Variants in ISOC1 observed in about 807,000 individuals in gnomAD.
ISOC1 encodes the protein isochorismatase domain-containing protein 1.
In ISOC1, 33 loss-of-function variants were observed where a neutral mutation model predicts 30.0. The ratio of observed to expected loss-of-function variants is 1.10; its 90% CI spans 0.83 to 1.47. The LOEUF is 1.47. Among genes scored for constraint, ISOC1 ranks in the 40% most tolerant of loss-of-function variants. The pLI is 0.00. For missense variants in ISOC1, 372 were observed against 388.0 expected, an observed-to-expected ratio of 0.96 and a Z score of 0.35; for synonymous variants, 178 against 159.8, an observed-to-expected ratio of 1.11 and a Z score of -0.86.
chr5:129,094,803 A>G lies in ISOC1; in HGVS notation c.37A>G (p.Asn13Asp). ...AAEPAVLALP[N>D]SGAGGAGAPS... ...GGAGCCGGCGGTCCTTGCGCTCCCCAACAGCGGCGCCGGGGGCGCGGGGGC... is the reference window on the plus strand; with the variant it reads ...GGAGCCGGCGGTCCTTGCGCTCCCCGACAGCGGCGCCGGGGGCGCGGGGGC... The change falls in exon 1 of 5, where the codon AAC becomes GAC. Residue 13 changes from asparagine to aspartate, a missense_variant. Coordinates refer to ENST00000173527, the MANE Select transcript of ISOC1 (RefSeq NM_016048.2). The G allele has an allele frequency of 6.5e-7, 1 of 1,533,592 alleles. No individual in the cohort carries two copies. Among genetic ancestry groups the G allele is most frequent in the South Asian group, 1.2e-5 (1 of 82,912 alleles). 95.0% of individuals were successfully genotyped at this position (1,533,592 alleles called of 1,614,324 possible).
intron 1 of ISOC1, chr5:129,097,652 A>C (rs1753520239): frequency 2.0e-5 from 3 of 152,402 alleles, no homozygotes; most frequent in East Asian, 3.9e-4. Context: ...AGAAGAACAT[A>C]GGGAGGTGGA....
chr5:129,106,396 C>G (rs1447243121), intron 3 of ISOC1, among the ~76,000 whole-genome samples: 1 of 152,142 alleles, frequency 6.6e-6, no homozygotes, highest in Non-Finnish European at 1.5e-5. Context: ...TTAGTACTTA[C>G]AAAGATGGAA....
In ISOC1 at chr5:129,094,754, C is replaced by G. The variant is rs141986667; in HGVS notation, c.-13C>G. Reference sequence around the variant, plus strand: ...ACTGGGCGGCCTCGGAGCTCGCAGACGCTCGGGGGAACATGGCGGCTGCGG... The same window carrying G: ...ACTGGGCGGCCTCGGAGCTCGCAGAGGCTCGGGGGAACATGGCGGCTGCGG... On this transcript the variant is annotated 5_prime_UTR_variant, in exon 1 of 5. Coordinates refer to ENST00000173527, the MANE Select transcript of ISOC1 (RefSeq NM_016048.2). The G allele has an allele frequency of 7.0e-7, 1 of 1,436,684 alleles. No individual in the cohort carries two copies. Among genetic ancestry groups the G allele is most frequent in the Non-Finnish European group, 9.1e-7 (1 of 1,097,668 alleles). 89.0% of individuals were successfully genotyped at this position (1,436,684 alleles called of 1,614,324 possible). A position where few individuals can be genotyped will look rare whatever the true frequency, so the allele number is the denominator to read the frequency against.
At chr5:129,105,430 A>G in intron 3 of ISOC1, 42 bp downstream of exon 3, 2 of 1,505,658 alleles carry the variant, frequency 1.3e-6, no homozygotes, top group Non-Finnish European at 1.8e-6. Flanking sequence ...TATTATTTAT[A>G]GAAAACTCAA....
intron 1 of ISOC1, among the ~76,000 whole-genome samples, chr5:129,096,947 T>C (rs1170387459): frequency 6.6e-6 from 1 of 152,190 alleles, no homozygotes; most frequent in Admixed American, 6.5e-5. Context: ...TTCTAGAAAT[T>C]AATGAAATGT....
At position 129,105,060 on chromosome 5, in the gene ISOC1, C is replaced by T. The variant is rs567677913; in HGVS notation, c.414C>T (p.Ser138=). 2.6e-5 allele frequency: 42 copies of T among 1,613,740 alleles called. No homozygotes were observed. In the South Asian group the frequency reaches 3.4e-4, roughly 13 times the overall value. Residue 138 remains serine, a synonymous_variant, in exon 2 of 5, where the codon AGC becomes AGT. Transcript: ENST00000173527. ...TCAAGTATTTTGGGGATATTATTAG[C>T]GTGGGACAGAGATTGGTATGCTTGT... ...PAIKYFGDII[S]VGQRLLQGAR...
chr5:129,106,215 A>G (rs2150171566), intron 3 of ISOC1, among the ~76,000 whole-genome samples: 1 of 152,300 alleles, frequency 6.6e-6, no homozygotes, highest in African/African-American at 2.4e-5. Context: ...TGGTCCTTCA[A>G]TGCTAATTTT....
At chr5:129,106,350 T>G (rs561457642) in intron 3 of ISOC1, among the ~76,000 whole-genome samples, 1 of 152,346 alleles carries the variant, frequency 6.6e-6, no homozygotes, top group African/African-American at 2.4e-5. Context: ...GCAGCCTGTT[T>G]TCACTCTATA....
chr5:129,107,372 G>C (rs927611835), intron 4 of ISOC1, among the ~76,000 whole-genome samples: 1 of 152,124 alleles, frequency 6.6e-6, no homozygotes, highest in African/African-American at 2.4e-5. Flanking sequence ...AACCTAAACT[G>C]TTTAGAGGTT....
chr5:129,094,771 C>T lies in ISOC1; in HGVS notation c.5C>T (p.Ala2Val), dbSNP rs1400857134. Residue 2 changes from alanine to valine, a missense_variant, in exon 1 of 5, where the codon GCG becomes GTG. Physicochemically the swap from Ala to Val is moderately conservative, Grantham distance 64. Coordinates refer to ENST00000173527, the MANE Select transcript of ISOC1 (RefSeq NM_016048.2). ...CTCGCAGACGCTCGGGGGAACATGG[C>T]GGCTGCGGAGCCGGCGGTCCTTGCG... M[A>V]AAEPAVLALP... 55 of 1,497,334 alleles carry T rather than the reference C, an allele frequency of 3.7e-5. No individual in the cohort carries two copies. The highest frequency in any genetic ancestry group is 4.8e-5 in the Non-Finnish European group (54 of 1,128,892). The allele number at this position is 1,497,334 out of a possible 1,614,324, so 92.8% of individuals were successfully genotyped here. A position where few individuals can be genotyped will look rare whatever the true frequency, so the allele number is the denominator to read the frequency against.
In ISOC1 at chr5:129,113,296, G is replaced by A. The variant is rs372309585; in HGVS notation, c.*295G>A. The A allele has an allele frequency of 1.8e-4, 40 of 222,192 alleles. No individual in the cohort carries two copies. The highest frequency in any genetic ancestry group is 1.6e-3 in the East Asian group (17 of 10,466). 13.8% of individuals were successfully genotyped at this position (222,192 alleles called of 1,614,324 possible). A position where few individuals can be genotyped will look rare whatever the true frequency, so the allele number is the denominator to read the frequency against. On this transcript the variant is annotated 3_prime_UTR_variant, in exon 5 of 5. Transcript: ENST00000173527. The stretch of plus-strand genomic sequence containing the variant: ...TTTGTCTCTACTGTGTACTCTGATC[G>A]TATCTTTCCAAAGTGCAGACTCTTG...
intron 1 of ISOC1, among the ~76,000 whole-genome samples, chr5:129,103,743 T>G (rs1753598859): frequency 6.6e-6 from 1 of 152,158 alleles, no homozygotes; most frequent in South Asian, 2.1e-4. Flanking sequence ...AGCCACACCA[T>G]GTAATCCAGA....
chr5:129,096,016 G>A (rs1753496002), intron 1 of ISOC1, among the ~76,000 whole-genome samples: 1 of 152,158 alleles, frequency 6.6e-6, no homozygotes, highest in South Asian at 2.1e-4. Flanking sequence ...TGTGGGATTC[G>A]GGGATAAAAG....
At chr5:129,101,192 A>AAAAAAAATATATATATAT (rs1554064627) in intron 1 of ISOC1, among the ~76,000 whole-genome samples, 1 of 42,236 alleles carries the variant, frequency 2.4e-5, no homozygotes, top group Non-Finnish European at 3.6e-5. Flanking sequence ...AAAAAAAAAA[A>AAAAAAAATATATATATAT]ATATATATAT....
intron 1 of ISOC1, among the ~76,000 whole-genome samples, chr5:129,103,391 A>G (rs3798113): frequency 0.066 from 10,099 of 152,280 alleles, 654 homozygotes; most frequent in African/African-American, 0.17. Context: ...AACATATAAT[A>G]TGCTTGAGAA....
Position 129,110,782 on chromosome 5 carries a change from A to G in ISOC1, c.751-2073A>G, listed in dbSNP as rs542543163. Among the ~76,000 whole-genome samples the G allele has an allele frequency of 2.6e-5, 4 of 152,292 alleles. No homozygotes were observed. The South Asian group carries it at 6.2e-4, about 24-fold the overall frequency. On this transcript the variant is annotated intron_variant, in intron 4 of 4. Transcript: ENST00000173527. ...CTTCCTTAGACCTGGGAACAGATTTATCTTTCCTGTCTCACTAAGGAACTG... is the reference window on the plus strand; with the variant it reads ...CTTCCTTAGACCTGGGAACAGATTTGTCTTTCCTGTCTCACTAAGGAACTG...
At chr5:129,109,198 G>A (rs527406359) in intron 4 of ISOC1, among the ~76,000 whole-genome samples, 10 of 152,252 alleles carry the variant, frequency 6.6e-5, no homozygotes, top group Non-Finnish European at 8.8e-5. Context: ...GTAATCTCTC[G>A]GATTAGGAAT....
intron 1 of ISOC1, among the ~76,000 whole-genome samples, chr5:129,101,192 A>AATATATATATATATATATATATAT (rs1554064628): frequency 4.5e-4 from 19 of 42,212 alleles, no homozygotes; most frequent in African/African-American, 2.8e-3. Context: ...AAAAAAAAAA[A>AATATATATATATATATATATATAT]ATATATATAT....
intron 4 of ISOC1, among the ~76,000 whole-genome samples, chr5:129,110,254 C>G (rs761175635): frequency 3.9e-5 from 6 of 152,108 alleles, no homozygotes; most frequent in Non-Finnish European, 2.9e-5. Context: ...GGGAGAACTT[C>G]AGAAGTCTAA....
Sources: allele counts gnomAD v4.1 joint callset (sites outside exome capture counted in the v4.1 genomes callset), GRCh38; gene constraint gnomAD v4.1.1; transcripts MANE v1.5; gene names NCBI Gene and HGNC (gene_info 2026-07-23, HGNC 2026-07-21).